COL5A3: variants seen among roughly 807,000 people sequenced by gnomAD.
COL5A3 encodes collagen type V alpha 3 chain.
COL5A3 carries 172 observed loss-of-function variants against 250.0 expected under a neutral mutation model. The ratio of observed to expected loss-of-function variants is 0.69; its 90% CI spans 0.61 to 0.78. The LOEUF (loss-of-function observed/expected upper bound fraction) is 0.78. Ranked by LOEUF, COL5A3 falls within the 30% of genes least tolerant of loss-of-function variation. The pLI is 0.00. For synonymous variants in COL5A3, 937 were observed against 900.4 expected (o/e 1.04, Z -0.73); for missense variants, 2,340 against 2,334.4 (o/e 1.00, Z -0.05).
intron 62 of COL5A3, 41 bp from the exon 63 acceptor site, chr19:9,966,787 G>A: frequency 2.1e-6 from 3 of 1,451,972 alleles, no homozygotes; most frequent in South Asian, 1.2e-5. Context: ...AGGGGAGATG[G>A]GGGAGGGAGA....
intron 31 of COL5A3, among the ~76,000 whole-genome samples, chr19:9,983,322 C>G (rs893269436): frequency 6.6e-6 from 1 of 151,778 alleles, no homozygotes; most frequent in South Asian, 2.1e-4. Flanking sequence ...GGCAGCATAG[C>G]GAGACCCTGT....
intron 37 of COL5A3, 48 bp downstream of exon 37, chr19:9,979,791 G>GAA (rs60233060): frequency 7.0e-4 from 927 of 1,333,802 alleles, no homozygotes; most frequent in Non-Finnish European, 7.9e-4. Context: ...GTCTCAAAAA[G>GAA]AAAAAAAAAA....
intron 16 of COL5A3, among the ~76,000 whole-genome samples, chr19:9,994,170 A>T (rs1457197185): frequency 2.7e-5 from 4 of 150,212 alleles, no homozygotes; most frequent in Admixed American, 6.6e-5. Flanking sequence ...CTAAGATATT[A>T]TTTTTTTTAA....
rs1182795048 is a variant in COL5A3, at chr19:10,010,469, C to G, written c.-84G>C. On this transcript the variant is annotated 5_prime_UTR_variant, in exon 1 of 67. Transcript: ENST00000264828. The stretch of plus-strand genomic sequence containing the variant: ...ACTTCTCGGGCTCGGTGCAGTCACT[C>G]GCGGCGGCCGCTCCTCTCAGGGTCC... The G allele has an allele frequency of 5.6e-6, 5 of 886,178 alleles. No individual in the cohort carries two copies. In the Admixed American group the frequency reaches 1.7e-4, roughly 30 times the overall value. 54.9% of individuals were successfully genotyped at this position (886,178 alleles called of 1,614,324 possible).
intron 31 of COL5A3, among the ~76,000 whole-genome samples, chr19:9,983,065 T>C (rs1259040585): frequency 6.6e-6 from 1 of 151,992 alleles, no homozygotes; most frequent in Non-Finnish European, 1.5e-5. Flanking sequence ...CTCACTATGT[T>C]GCCCAGGCTG....
rs1334015626 is a variant in COL5A3, at chr19:9,962,873, G to A, written c.4797C>T (p.Ser1599=). Residue 1599 remains serine, a synonymous_variant, in exon 65 of 67, where the codon TCC becomes TCT. Transcript: ENST00000264828. ...AGCCTCCAGGCTTTTCCTTGGACCA[G>A]GAGGCCAATTTCACCTGGAAGAGAA... ...DKKFEIVKLA[S]WSKEKPGGWY... 4.3e-6 allele frequency: 7 copies of A among 1,610,316 alleles called. No individual in the cohort carries two copies. Among genetic ancestry groups the A allele is most frequent in the Non-Finnish European group, 5.9e-6 (7 of 1,178,224 alleles).
In COL5A3 at chr19:9,971,014, G is replaced by A; in HGVS notation, c.3843C>T (p.Ser1281=). Residue 1281 remains serine (S), a synonymous_variant, in exon 53 of 67, where the codon TCC becomes TCT. Coordinates refer to ENST00000264828, the MANE Select transcript of COL5A3 (RefSeq NM_015719.4). ...GDPGVSGIDG[S]PGEKGDPGDV... is the part of the protein sequence containing the mutation. Reference sequence around the variant, plus strand: ...CACCAGGGTCTCCCTTCTCCCCTGGGGAACCATCTATGCCCTGCATGGGGG... The same window carrying A: ...CACCAGGGTCTCCCTTCTCCCCTGGAGAACCATCTATGCCCTGCATGGGGG... 1.9e-6 allele frequency: 3 copies of A among 1,547,396 alleles called. No homozygotes were observed. Among genetic ancestry groups the A allele is most frequent in the Non-Finnish European group, 2.6e-6 (3 of 1,152,638 alleles).
chr19:9,976,859 T>A (rs1286052832), intron 44 of COL5A3, among the ~76,000 whole-genome samples: 1 of 151,770 alleles, frequency 6.6e-6, no homozygotes. Context: ...GGCTCAATGA[T>A]GCAAGCCACT....
At position 10,005,622 on chromosome 19, in the gene COL5A3, C is replaced by T. The variant is rs184224746; in HGVS notation, c.530G>A (p.Arg177His). The T allele has an allele frequency of 3.5e-5, 57 of 1,614,090 alleles. No individual in the cohort carries two copies. The East Asian group carries it at 5.6e-4, about 16-fold the overall frequency. Residue 177 changes from arginine (R) to histidine (H), a missense_variant, in exon 4 of 67, where the codon CGC (arginine) becomes CAC (histidine). Around this residue, in one of 3 missense-constraint regions of COL5A3, gnomAD observed 1,152 missense variants for 1,146.3 expected, o/e 1.00. Coordinates refer to ENST00000264828, the MANE Select transcript of COL5A3 (RefSeq NM_015719.4). ...AGTGAGTCCAGCTATGCTGATGAAG[C>T]GGGGGCCATGGCCCAAAACAGGGGG... Reference protein sequence around the residue: ...AQPPVLGHGPRFISIAGLTVL... With the variant: ...AQPPVLGHGPHFISIAGLTVL...
At chr19:9,980,952 T>C in intron 33 of COL5A3, 93 bp from the exon 34 acceptor site, 1 of 1,504,326 alleles carries the variant, frequency 6.6e-7, no homozygotes. Flanking sequence ...CCCTTGTGAC[T>C]CCCTCTCCTG....
rs2087289516 is a variant in COL5A3, at chr19:9,997,452, C to T, written c.1201-19G>A. ...CCACCCCCTGTTGGGGACAGAGAAA[C>T]AGGAGTCACAGGAAGTGCAAAGTTT... On this transcript the variant is annotated intron_variant, in intron 10 of 66. Transcript: ENST00000264828. The T allele has an allele frequency of 1.3e-6, 2 of 1,562,590 alleles. No individual in the cohort carries two copies. The highest frequency in any genetic ancestry group is 1.7e-6 in the Non-Finnish European group (2 of 1,146,628).
chr19:9,966,834 C>A, intron 62 of COL5A3, 88 bp from the exon 63 acceptor site: 1 of 990,636 alleles, frequency 1.0e-6, no homozygotes, highest in South Asian at 1.6e-5. Context: ...GATGAAGAGG[C>A]AGACAGACAC....
chr19:9,973,924 A>T lies in COL5A3; in HGVS notation c.3553T>A (p.Ser1185Thr), dbSNP rs2086886776. The T allele has an allele frequency of 6.4e-7, 1 of 1,570,734 alleles. No homozygotes were observed. Among genetic ancestry groups the T allele is most frequent in the Non-Finnish European group, 8.6e-7 (1 of 1,156,480 alleles). ...GGCCCCCCAAGAGTTCTCACCTCTG[A>T]TCCAGTGGGGCCTTGGGGACCCCGA... ...GPRGPQGPTG[S>T]EGTPGLPGGV... is the part of the protein sequence containing the mutation. Residue 1185 changes from serine to threonine, a missense_variant, in exon 48 of 67, where the codon TCA (serine) becomes ACA (threonine). Coordinates refer to ENST00000264828, the MANE Select transcript of COL5A3 (RefSeq NM_015719.4).
rs761427741 is a variant in COL5A3 at position 9,982,106 on chromosome 19, A to T, written c.2419T>A (p.Phe807Ile). The part of the protein sequence containing the change: ...GRPGPKGSIG[F>I]PGPLGPIGEK... Reference sequence around the variant, plus strand: ...CCTATGGGTCCCAGGGGACCGGGAAATCCAATAGATCCCTGAGTGGAGAGA... The same window carrying T: ...CCTATGGGTCCCAGGGGACCGGGAATTCCAATAGATCCCTGAGTGGAGAGA... Residue 807 changes from phenylalanine (F) to isoleucine (I), a missense_variant, in exon 32 of 67, where the codon TTT becomes ATT. Around this residue, in one of 3 missense-constraint regions of COL5A3, gnomAD observed 1,152 missense variants for 1,146.3 expected, o/e 1.00. Transcript: ENST00000264828. The T allele has an allele frequency of 5.6e-6, 9 of 1,603,820 alleles. No individual in the cohort carries two copies. The highest frequency in any genetic ancestry group is 3.4e-6 in the Non-Finnish European group (4 of 1,175,246).
intron 6 of COL5A3, among the ~76,000 whole-genome samples, chr19:10,003,021 G>T (rs1250122227): frequency 6.6e-6 from 1 of 152,082 alleles, no homozygotes; most frequent in Non-Finnish European, 1.5e-5. Context: ...CCAGCTAGGT[G>T]CAGCCCAAAC....
At chr19:9,981,159 C>A (rs951435504) in intron 32 of COL5A3, 27 bp from the exon 33 acceptor site, 2 of 1,611,856 alleles carry the variant, frequency 1.2e-6, no homozygotes, top group African/African-American at 2.7e-5. Flanking sequence ...AGAGAGAAAG[C>A]AGAAGAGAGT....
At chr19:9,983,503 A>AAAGC (rs1249660331) in intron 31 of COL5A3, among the ~76,000 whole-genome samples, 1 of 148,406 alleles carries the variant, frequency 6.7e-6, no homozygotes. Flanking sequence ...GTCTGAAAGG[A>AAAGC]AAGCAAGCAA....
At position 10,009,598 on chromosome 19, in the gene COL5A3, G is replaced by A. The variant is rs1222165602; in HGVS notation, c.88+700C>T. 6.6e-6 allele frequency among the ~76,000 whole-genome samples: 1 copy of A among 152,040 alleles called. No homozygotes were observed. The highest frequency in any genetic ancestry group is 2.4e-5 in the African/African-American group (1 of 41,388). On this transcript the variant is annotated intron_variant, in intron 1 of 66. Transcript: ENST00000264828. This position sits in a 1 kb window ranked among gnomAD's most constrained non-coding sequence, Gnocchi z 4.4. ...TGTCCATGGTGCTGATCGCGGCTCT[G>A]GGGACCGCGGGGTGGGGGAGGGGGC...
intron 10 of COL5A3, 73 bp from the exon 11 acceptor site, chr19:9,997,506 G>A (rs746560081): frequency 4.1e-6 from 4 of 968,486 alleles, no homozygotes; most frequent in Non-Finnish European, 6.2e-6. Context: ...ACCTACCACT[G>A]ACTCTAACCT....
Sources: gnomAD v4.1 joint callset for allele counts (sites outside exome capture counted in the v4.1 genomes callset) on GRCh38, gnomAD v4.1.1 for gene constraint, gnomAD v4.1.1 regional missense constraint, Gnocchi (gnomAD v3.1) non-coding constraint, MANE v1.5 for transcripts, NCBI Gene and HGNC (gene_info 2026-07-23, HGNC 2026-07-21) for gene names.